The following WDR7 variants were observed in gnomAD, a reference collection of about 807,000 sequenced individuals.
WDR7 encodes the protein WD repeat domain 7, also known as WD repeat-containing protein 7.
WDR7 carries 46 observed loss-of-function variants against 169.4 expected under a neutral mutation model. The ratio of observed to expected loss-of-function variants is 0.27; its 90% CI spans 0.21 to 0.35. The LOEUF (loss-of-function observed/expected upper bound fraction) is 0.35. WDR7 is among the 10% of genes least tolerant of loss of function. The pLI is 1.00. For synonymous variants in WDR7, 612 were observed against 666.8 expected (o/e 0.92, Z 1.27); for missense variants, 1,534 against 1,859.3 (o/e 0.83, Z 3.22).
intron 27 of WDR7, among the ~76,000 whole-genome samples, chr18:57,025,511 C>G (rs895966610): frequency 6.6e-6 from 1 of 152,188 alleles, no homozygotes; most frequent in African/African-American, 2.4e-5. Flanking sequence ...AAGGAACTGC[C>G]TGGCTGGAAA....
At chr18:56,657,992 C>T (rs568222672) in intron 1 of WDR7, among the ~76,000 whole-genome samples, 23 of 151,306 alleles carry the variant, frequency 1.5e-4, no homozygotes, top group Middle Eastern at 3.4e-3. Context: ...GTTGGAACAA[C>T]GAATGTTAGG....
intron 21 of WDR7, among the ~76,000 whole-genome samples, chr18:56,913,464 C>T (rs943735945): frequency 2.6e-5 from 4 of 151,944 alleles, no homozygotes; most frequent in Admixed American, 2.6e-4. Flanking sequence ...TAATCCTGTC[C>T]ACTCTATCTT....
rs3045243 is a variant in WDR7 at position 56,900,064 on chromosome 18, A to ATG, written c.3526+19917_3526+19918dup. Among the ~76,000 whole-genome samples the ATG allele has an allele frequency of 9.0e-3, 1,237 of 137,872 alleles. 5 individuals are homozygous for ATG. Among genetic ancestry groups the ATG allele is most frequent in the African/African-American group, 0.02 (738 of 36,368 alleles). The allele number at this position is 137,872 out of a possible 152,430, so 90.4% of individuals were successfully genotyped here. ...TTAAGCTCACTGGACACATATATAT[A>ATG]TGTGTGTGTGTGTGTGTGTATATAT... On this transcript the variant is annotated intron_variant, in intron 21 of 27. Coordinates refer to ENST00000254442, the MANE Select transcript of WDR7 (RefSeq NM_015285.3).
At chr18:56,765,403 A>G (rs2144988803) in intron 16 of WDR7, among the ~76,000 whole-genome samples, 1 of 151,008 alleles carries the variant, frequency 6.6e-6, no homozygotes. Flanking sequence ...GCTAATTTTT[A>G]TTATTTTAGT....
chr18:56,951,105 C>T (rs1027216371), intron 25 of WDR7, among the ~76,000 whole-genome samples: 1 of 152,208 alleles, frequency 6.6e-6, no homozygotes, highest in Non-Finnish European at 1.5e-5. Flanking sequence ...TCTCACCGTT[C>T]AGGTCAACCT....
At chr18:56,908,969 A>G (rs1243045720) in intron 21 of WDR7, among the ~76,000 whole-genome samples, 1 of 152,326 alleles carries the variant, frequency 6.6e-6, no homozygotes, top group Admixed American at 6.5e-5. Flanking sequence ...GTGATTGAAG[A>G]AAGTAACTAA....
intron 14 of WDR7, among the ~76,000 whole-genome samples, chr18:56,744,245 GAAAAAAAAAA>G (rs58110613): frequency 6.9e-5 from 6 of 86,884 alleles, no homozygotes; most frequent in South Asian, 4.7e-4. Context: ...TCTCAAAAAA[GAAAAAAAAAA>G]AAAAAAAAAA....
At chr18:56,918,409 T>C (rs889741265) in intron 21 of WDR7, among the ~76,000 whole-genome samples, 4 of 152,194 alleles carry the variant, frequency 2.6e-5, no homozygotes, top group Non-Finnish European at 5.9e-5. Flanking sequence ...GATAGTAAAT[T>C]TATTACAAAT....
chr18:56,656,528 C>T (rs1169130321), intron 1 of WDR7, among the ~76,000 whole-genome samples: 3 of 151,808 alleles, frequency 2.0e-5, no homozygotes. Flanking sequence ...AATCTGCCCG[C>T]CTCAGCCTCC....
chr18:56,832,301 C>T (rs2045324832), intron 20 of WDR7, among the ~76,000 whole-genome samples: 1 of 152,224 alleles, frequency 6.6e-6, no homozygotes. Context: ...TTCCTCTTCT[C>T]TGGGCAGGGC....
intron 19 of WDR7, among the ~76,000 whole-genome samples, chr18:56,810,359 C>T (rs2044847854): frequency 1.3e-5 from 2 of 151,954 alleles, no homozygotes; most frequent in Non-Finnish European, 2.9e-5. Context: ...GGTTAGAAAT[C>T]GCAAGTAGTC....
intron 25 of WDR7, among the ~76,000 whole-genome samples, chr18:56,946,885 A>AT (rs1339421300): frequency 6.6e-6 from 1 of 152,202 alleles, no homozygotes; most frequent in Non-Finnish European, 1.5e-5. Flanking sequence ...AGCTATAGAT[A>AT]TTTTTCTGTA....
At chr18:56,818,870 A>T (rs957846789) in intron 20 of WDR7, among the ~76,000 whole-genome samples, 3 of 152,148 alleles carry the variant, frequency 2.0e-5, no homozygotes, top group South Asian at 2.1e-4. Context: ...ATTTTAGAGG[A>T]ATTGTTCTAA....
At position 56,779,462 on chromosome 18, in the gene WDR7, T is replaced by C; in HGVS notation, c.2979T>C (p.Val993=). 1.2e-6 allele frequency: 2 copies of C among 1,613,934 alleles called. No homozygotes were observed. Among genetic ancestry groups the C allele is most frequent in the Non-Finnish European group, 1.7e-6 (2 of 1,179,874 alleles). ...GWSQLAAMHC[V]MLPDLLGLDK... is the part of the protein sequence containing the mutation. Reference sequence around the variant, plus strand: ...GTCAGTTAGCTGCTATGCACTGTGTTATGCTGCCAGACCTACTGGGATTGG... The same window carrying C: ...GTCAGTTAGCTGCTATGCACTGTGTCATGCTGCCAGACCTACTGGGATTGG... The change falls in exon 18 of 28, where the codon GTT becomes GTC. Residue 993 remains valine, a synonymous_variant. Coordinates refer to ENST00000254442, the MANE Select transcript of WDR7 (RefSeq NM_015285.3).
chr18:56,990,168 A>T (rs2047789789), intron 26 of WDR7, among the ~76,000 whole-genome samples: 1 of 152,268 alleles, frequency 6.6e-6, no homozygotes, highest in Non-Finnish European at 1.5e-5. Flanking sequence ...AAGGGCACAG[A>T]GCTGAAGACC....
chr18:56,859,382 G>A (rs1369392689), intron 20 of WDR7, among the ~76,000 whole-genome samples: 1 of 151,984 alleles, frequency 6.6e-6, no homozygotes, highest in Non-Finnish European at 1.5e-5. Context: ...TTGCCTCCTG[G>A]CCCCACCACT....
chr18:56,954,272 A>G (rs1414346737), intron 25 of WDR7, among the ~76,000 whole-genome samples: 1 of 152,218 alleles, frequency 6.6e-6, no homozygotes, highest in African/African-American at 2.4e-5. Context: ...TACATAGAAT[A>G]ATATGCTTTA....
chr18:56,813,643 C>A (rs1342227355), intron 19 of WDR7, among the ~76,000 whole-genome samples: 3 of 151,860 alleles, frequency 2.0e-5, no homozygotes, highest in African/African-American at 4.8e-5. Context: ...GTATATAATT[C>A]TTTTCATATG....
intron 19 of WDR7, among the ~76,000 whole-genome samples, chr18:56,805,328 C>T (rs752902358): frequency 1.1e-4 from 16 of 152,110 alleles, no homozygotes; most frequent in Non-Finnish European, 1.8e-4. Context: ...AACCAAAAAG[C>T]GCACTGATCA....
Sources: allele counts gnomAD v4.1 joint callset (sites outside exome capture counted in the v4.1 genomes callset), GRCh38; gene constraint gnomAD v4.1.1; transcripts MANE v1.5; gene names NCBI Gene and HGNC (gene_info 2026-07-23, HGNC 2026-07-21).